The following CDH23 variants were observed in gnomAD, a reference collection of about 807,000 sequenced individuals.
The protein encoded by CDH23 is cadherin related 23.
In CDH23, 189 loss-of-function variants were observed where a neutral mutation model predicts 317.1. The ratio of observed to expected loss-of-function variants is 0.60; its 90% CI spans 0.53 to 0.67. CDH23 has a LOEUF of 0.67. Ranked by LOEUF, CDH23 falls within the 30% of genes least tolerant of loss-of-function variation. The probability of loss-of-function intolerance (pLI) is 0.00; values close to 1 mark genes in which losing one functional copy is unlikely to be tolerated. For synonymous variants in CDH23, 1,839 were observed against 1,876.8 expected (o/e 0.98, Z 0.52); for missense variants, 4,401 against 4,592.4 (o/e 0.96, Z 1.20).
Position 71,705,116 on chromosome 10 carries a change from C to T in CDH23, c.2939C>T (p.Thr980Met), listed in dbSNP as rs535416598. ...AGTPTKSSTSTLTIHVLDVND... is the reference protein window; with the variant it reads ...AGTPTKSSTSMLTIHVLDVND... ...ACGCCCACCAAGAGCTCCACCAGCACGCTCACCATCCATGGTGAGGGGGCG... is the reference window on the plus strand; with the variant it reads ...ACGCCCACCAAGAGCTCCACCAGCATGCTCACCATCCATGGTGAGGGGGCG... Residue 980 changes from threonine to methionine, a missense_variant, in exon 25 of 70, where the codon ACG becomes ATG. Coordinates refer to ENST00000224721, the MANE Select transcript of CDH23 (RefSeq NM_022124.6). 56 of 1,610,284 alleles carry T rather than the reference C, an allele frequency of 3.5e-5. No homozygotes were observed. The highest frequency in any genetic ancestry group is 3.6e-4 in the Middle Eastern group (2 of 5,626).
intron 32 of CDH23, among the ~76,000 whole-genome samples, chr10:71,733,556 G>T (rs1180914276): frequency 1.3e-5 from 2 of 152,146 alleles, no homozygotes; most frequent in African/African-American, 4.8e-5. Context: ...AATGCCAGGG[G>T]ATTAAGAGCT....
intron 38 of CDH23, among the ~76,000 whole-genome samples, chr10:71,773,032 G>T (rs1354645447): frequency 6.6e-6 from 1 of 152,232 alleles, no homozygotes; most frequent in Non-Finnish European, 1.5e-5. Flanking sequence ...CCCACCCTGT[G>T]CCTCTCCTTC....
At chr10:71,507,092 C>T (rs1278395626) in intron 3 of CDH23, among the ~76,000 whole-genome samples, 2 of 152,158 alleles carry the variant, frequency 1.3e-5, no homozygotes, top group Non-Finnish European at 2.9e-5. Flanking sequence ...TCTTGGCCAG[C>T]TGGGAGCTTG....
In CDH23 at chr10:71,751,067, C is replaced by T. The variant is rs1390456920; in HGVS notation, c.4845+9146C>T. 4.4e-6 allele frequency: 3 copies of T among 685,372 alleles called. No individual in the cohort carries two copies. Among genetic ancestry groups the T allele is most frequent in the Non-Finnish European group, 2.4e-6 (1 of 416,280 alleles). The allele number at this position is 685,372 out of a possible 1,614,324, so 42.5% of individuals were successfully genotyped here. On this transcript the variant is annotated intron_variant, in intron 38 of 69. Transcript: ENST00000224721. This position sits in a 1 kb window ranked among gnomAD's most constrained non-coding sequence, Gnocchi z 4.9. ...ATCCTTGGAACAGGGGCTGAGCCGT[C>T]CAGCATCCCCATGTAGCATCCAGAG...
chr10:71,451,962 A>G (rs1850466674), intron 3 of CDH23, among the ~76,000 whole-genome samples: 1 of 152,122 alleles, frequency 6.6e-6, no homozygotes, highest in African/African-American at 2.4e-5. Context: ...GCATGTCGGG[A>G]GCGAGGTGTT....
At chr10:71,682,646 G>A in intron 18 of CDH23, 74 bp downstream of exon 18, 5 of 1,558,366 alleles carry the variant, frequency 3.2e-6, no homozygotes, top group Non-Finnish European at 4.4e-6. Context: ...ACCCAGTACT[G>A]TAGGACTGTG....
At chr10:71,758,819 G>A (rs1326800252) in intron 38 of CDH23, among the ~76,000 whole-genome samples, 1 of 152,188 alleles carries the variant, frequency 6.6e-6, no homozygotes, top group Non-Finnish European at 1.5e-5. Context: ...TTGAGCCCAG[G>A]AGTTCAAGAC....
At chr10:71,508,574 A>G (rs1026349609) in intron 3 of CDH23, among the ~76,000 whole-genome samples, 2 of 152,210 alleles carry the variant, frequency 1.3e-5, no homozygotes, top group African/African-American at 4.8e-5. Context: ...GAACTGTCCT[A>G]AAAGTTCTTT....
chr10:71,627,791 C>T (rs1861814581), intron 11 of CDH23, among the ~76,000 whole-genome samples: 1 of 152,218 alleles, frequency 6.6e-6, no homozygotes, highest in Non-Finnish European at 1.5e-5. Context: ...GGGCTGGCAC[C>T]ATGGGAAGTA....
intron 38 of CDH23, among the ~76,000 whole-genome samples, chr10:71,754,066 T>C (rs567307497): frequency 6.6e-6 from 1 of 152,270 alleles, no homozygotes; most frequent in East Asian, 1.9e-4. Flanking sequence ...TTCCTTTTCT[T>C]TTTTTCCTGA....
In CDH23 at chr10:71,815,119, G is replaced by A. The variant is rs1842089243; in HGVS notation, c.9906G>A (p.Glu3302=). The A allele has an allele frequency of 6.2e-7, 1 of 1,611,434 alleles. No homozygotes were observed. Among genetic ancestry groups the A allele is most frequent in the Non-Finnish European group, 8.5e-7 (1 of 1,179,192 alleles). The change falls in exon 70 of 70, where the codon GAG becomes GAA. Residue 3302 remains glutamate, a synonymous_variant. Coordinates refer to ENST00000224721, the MANE Select transcript of CDH23 (RefSeq NM_022124.6). ...LLATDLNSLP[E]EDQKGLGRSL... ...CCACCGACCTCAACAGCCTGCCCGA[G>A]GAAGACCAGAAGGGCCTGGGCCGCT...
chr10:71,735,504 G>A (rs115734066), intron 34 of CDH23, among the ~76,000 whole-genome samples: 2,366 of 152,256 alleles, frequency 0.016, 62 homozygotes, highest in African/African-American at 0.054. Context: ...GGTGATCCCA[G>A]GACACTCAGC....
intron 12 of CDH23, 179 bp from the exon 13 acceptor site, chr10:71,645,652 G>C (rs12572738): frequency 3.8e-6 from 3 of 780,544 alleles, no homozygotes; most frequent in African/African-American, 1.7e-5. Context: ...CTAGACATGG[G>C]TGGGTCATGG....
intron 3 of CDH23, among the ~76,000 whole-genome samples, chr10:71,473,436 G>A (rs1480090312): frequency 2.6e-5 from 4 of 152,192 alleles, no homozygotes; most frequent in Non-Finnish European, 4.4e-5. Context: ...GATGTTACGT[G>A]CTGGTATACG....
chr10:71,694,054 AC>A lies in CDH23; in HGVS notation c.2177-90del, dbSNP rs978949644. On this transcript the variant is annotated intron_variant, in intron 20 of 69. Coordinates refer to ENST00000224721, the MANE Select transcript of CDH23 (RefSeq NM_022124.6). ...GCTAACATTTCTCGTGCAAGTTCTC[AC>A]CCTCTCTCCTTCCCTCGCTCTCTCT... 1.2e-5 allele frequency: 12 copies of A among 972,904 alleles called. No individual in the cohort carries two copies. In the African/African-American group the frequency reaches 1.8e-4, roughly 14 times the overall value. The allele number at this position is 972,904 out of a possible 1,614,324, so 60.3% of individuals were successfully genotyped here.
intron 1 of CDH23, among the ~76,000 whole-genome samples, chr10:71,417,573 C>G (rs1848588629): frequency 6.6e-6 from 1 of 152,124 alleles, no homozygotes; most frequent in Non-Finnish European, 1.5e-5. Context: ...TTCACCATGT[C>G]CCATATATCT....
chr10:71,491,373 A>G (rs1852648328), intron 3 of CDH23, among the ~76,000 whole-genome samples: 1 of 152,210 alleles, frequency 6.6e-6, no homozygotes, highest in South Asian at 2.1e-4. Context: ...TCACCTTGAG[A>G]GACCCTGAGA....
chr10:71,637,032 T>C (rs1862308863), intron 11 of CDH23, among the ~76,000 whole-genome samples: 1 of 152,066 alleles, frequency 6.6e-6, no homozygotes, highest in South Asian at 2.1e-4. Flanking sequence ...ATGTAGGGGT[T>C]GGAGGGAGAA....
intron 31 of CDH23, among the ~76,000 whole-genome samples, chr10:71,730,805 G>A (rs572131709): frequency 3.9e-5 from 6 of 152,384 alleles, no homozygotes; most frequent in African/African-American, 1.2e-4. Context: ...ATCAGGGAGA[G>A]TTGTCCCAAC....
Sources: gnomAD v4.1 joint callset for allele counts (sites outside exome capture counted in the v4.1 genomes callset) on GRCh38, gnomAD v4.1.1 for gene constraint, Gnocchi (gnomAD v3.1) non-coding constraint, MANE v1.5 for transcripts, NCBI Gene and HGNC (gene_info 2026-07-23, HGNC 2026-07-21) for gene names.